The following RIMS2 variants were observed in gnomAD, a reference collection of about 807,000 sequenced individuals.
RIMS2 encodes regulating synaptic membrane exocytosis 2.
A neutral mutation model predicts 174.4 loss-of-function variants in RIMS2; 59 were observed. The observed-to-expected ratio is 0.34, with a 90% CI of 0.27 to 0.42. The LOEUF is 0.42. RIMS2 is among the 10% of genes least tolerant of loss of function. The probability of loss-of-function intolerance (pLI) is 1.00; values close to 1 mark genes in which losing one functional copy is unlikely to be tolerated. For synonymous variants in RIMS2, 606 were observed against 572.5 expected (o/e 1.06, Z -0.84); for missense variants, 1,620 against 1,666.3 (o/e 0.97, Z 0.48).
At chr8:104,099,658 G>A (rs1228187402) in intron 19 of RIMS2, among the ~76,000 whole-genome samples, 1 of 151,870 alleles carries the variant, frequency 6.6e-6, no homozygotes, top group Non-Finnish European at 1.5e-5. Flanking sequence ...AAAATTTCTG[G>A]GATTTTGATA....
At chr8:103,781,553 TG>T (rs1356282340) in intron 3 of RIMS2, among the ~76,000 whole-genome samples, 2 of 152,138 alleles carry the variant, frequency 1.3e-5, no homozygotes, top group Non-Finnish European at 2.9e-5. Flanking sequence ...GATAGGTACT[TG>T]AAAAAGTTAC....
intron 1 of RIMS2, among the ~76,000 whole-genome samples, chr8:103,614,947 T>C (rs2134352483): frequency 6.6e-6 from 1 of 152,366 alleles, no homozygotes; most frequent in Non-Finnish European, 1.5e-5. Context: ...ACTTTACAGT[T>C]GAATTGGCAT....
intron 19 of RIMS2, among the ~76,000 whole-genome samples, chr8:104,145,380 A>T (rs1389239766): frequency 6.6e-6 from 1 of 152,148 alleles, no homozygotes; most frequent in Non-Finnish European, 1.5e-5. Context: ...TAAAAAAATT[A>T]CTAATGTAAT....
intron 1 of RIMS2, among the ~76,000 whole-genome samples, chr8:103,691,804 T>C (rs1006640327): frequency 6.6e-5 from 10 of 152,174 alleles, no homozygotes; most frequent in African/African-American, 2.4e-4. Context: ...CTTCACAGTC[T>C]GGGGTTGTTT....
intron 17 of RIMS2, among the ~76,000 whole-genome samples, chr8:104,006,099 C>T (rs534933820): frequency 6.6e-6 from 1 of 151,990 alleles, no homozygotes; most frequent in African/African-American, 2.4e-5. Flanking sequence ...CTGTTTTGTT[C>T]TCCATCAAAA....
At chr8:103,720,668 A>C (rs970857870) in intron 2 of RIMS2, among the ~76,000 whole-genome samples, 1 of 152,160 alleles carries the variant, frequency 6.6e-6, no homozygotes, top group African/African-American at 2.4e-5. Flanking sequence ...AATTAGACAA[A>C]CATCCAGAGT....
chr8:103,678,027 G>A (rs1448810783), intron 1 of RIMS2, among the ~76,000 whole-genome samples: 3 of 152,096 alleles, frequency 2.0e-5, no homozygotes, highest in East Asian at 1.9e-4. Flanking sequence ...CTATGTAACT[G>A]TACTCCAGAC....
rs2098805051 is a variant in RIMS2, at chr8:103,828,427, G to C, written c.699-56871G>C. Among the ~76,000 whole-genome samples, 3 of 152,016 alleles carry C rather than the reference G, an allele frequency of 2.0e-5. No homozygotes were observed. The South Asian group carries it at 6.2e-4, about 32-fold the overall frequency. On this transcript the variant is annotated intron_variant, in intron 3 of 23. Transcript: ENST00000504942. ...ATGTGCTTTGCCTATGTTTTAATGG[G>C]GTTTTGGGTTTTTGCTTGTTAATTT...
intron 19 of RIMS2, among the ~76,000 whole-genome samples, chr8:104,110,345 C>G (rs1013911448): frequency 2.0e-5 from 3 of 152,208 alleles, no homozygotes; most frequent in African/African-American, 7.2e-5. Context: ...ACTCTTTCAG[C>G]CTTATATAAG....
At chr8:103,853,085 TG>T (rs2099008231) in intron 3 of RIMS2, among the ~76,000 whole-genome samples, 1 of 152,036 alleles carries the variant, frequency 6.6e-6, no homozygotes, top group Non-Finnish European at 1.5e-5. Flanking sequence ...TTTTTTTGTT[TG>T]TTTTTTTACT....
intron 19 of RIMS2, chr8:104,223,386 C>T (rs752971904): frequency 2.4e-5 from 30 of 1,246,360 alleles, no homozygotes; most frequent in Non-Finnish European, 3.0e-5. Flanking sequence ...GGCGAGACCT[C>T]GGACGTTCAC....
At chr8:103,604,501 T>G (rs1041626756) in intron 1 of RIMS2, among the ~76,000 whole-genome samples, 1 of 152,074 alleles carries the variant, frequency 6.6e-6, no homozygotes, top group African/African-American at 2.4e-5. Flanking sequence ...TGGTTCCATA[T>G]GAACTTTAAA....
At chr8:103,561,733 C>T (rs916349544) in intron 1 of RIMS2, among the ~76,000 whole-genome samples, 4 of 152,178 alleles carry the variant, frequency 2.6e-5, no homozygotes, top group African/African-American at 9.6e-5. Flanking sequence ...TTTATATGGG[C>T]AGGTATTTTT....
chr8:104,024,587 A>G (rs2096204825), intron 19 of RIMS2, among the ~76,000 whole-genome samples: 1 of 152,150 alleles, frequency 6.6e-6, no homozygotes, highest in Admixed American at 6.6e-5. Context: ...TTAGCTAAAG[A>G]TGTAGTTCAA....
chr8:103,971,024 C>A (rs2092810010), intron 15 of RIMS2, among the ~76,000 whole-genome samples: 1 of 152,050 alleles, frequency 6.6e-6, no homozygotes, highest in Admixed American at 6.6e-5. Flanking sequence ...GAGTTTTCCC[C>A]CCCATAGTAT....
chr8:103,953,704 G>C (rs945838938), intron 14 of RIMS2, among the ~76,000 whole-genome samples: 2 of 152,080 alleles, frequency 1.3e-5, no homozygotes, highest in African/African-American at 2.4e-5. Flanking sequence ...TCATGGGCAA[G>C]ATAACCCATT....
intron 1 of RIMS2, among the ~76,000 whole-genome samples, chr8:103,636,377 A>C (rs2096073838): frequency 6.6e-6 from 1 of 152,148 alleles, no homozygotes; most frequent in Admixed American, 6.5e-5. Context: ...TGCATGCCAG[A>C]GCAGCTGCTC....
chr8:103,673,855 AT>A (rs2096775736), intron 1 of RIMS2, among the ~76,000 whole-genome samples: 1 of 152,206 alleles, frequency 6.6e-6, no homozygotes, highest in South Asian at 2.1e-4. Flanking sequence ...CAGACTGCAG[AT>A]TTTCCAAACT....
intron 19 of RIMS2, among the ~76,000 whole-genome samples, chr8:104,178,494 C>G (rs1168051530): frequency 2.6e-5 from 4 of 152,094 alleles, no homozygotes; most frequent in Non-Finnish European, 2.9e-5. Context: ...TTCCCGCCTT[C>G]CTCTTTTAAG....
Sources: gnomAD v4.1 joint callset for allele counts (sites outside exome capture counted in the v4.1 genomes callset) on GRCh38, gnomAD v4.1.1 for gene constraint, MANE v1.5 for transcripts, NCBI Gene and HGNC (gene_info 2026-07-23, HGNC 2026-07-21) for gene names.